Variants in CPN1 observed in about 807,000 individuals in gnomAD.
The protein encoded by CPN1 is carboxypeptidase N catalytic chain.
Under a neutral mutation model 46.4 loss-of-function variants are expected in CPN1, and 37 were observed. The observed-to-expected ratio is 0.80, with a 90% CI of 0.61 to 1.05. CPN1 has a LOEUF of 1.05. Ranked by LOEUF, CPN1 falls within the 50% of genes least tolerant of loss-of-function variation. The pLI is 0.00. For synonymous variants in CPN1, 224 were observed against 235.4 expected (o/e 0.95, Z 0.44); for missense variants, 563 against 602.6 (o/e 0.93, Z 0.69).
intron 5 of CPN1, among the ~76,000 whole-genome samples, chr10:100,062,075 C>T (rs1321141211): frequency 2.0e-5 from 3 of 152,148 alleles, no homozygotes; most frequent in Non-Finnish European, 2.9e-5. Flanking sequence ...CTCAGTTTTG[C>T]ACCTCTCTAC....
At chr10:100,053,517 T>C (rs935227108) in intron 7 of CPN1, among the ~76,000 whole-genome samples, 3 of 151,814 alleles carry the variant, frequency 2.0e-5, no homozygotes, top group Non-Finnish European at 4.4e-5. Flanking sequence ...CCTAGCTACA[T>C]TGGAGGCTGA....
In CPN1 at chr10:100,054,427, C is replaced by T. The variant is rs2041373399; in HGVS notation, c.1031G>A (p.Gly344Glu). Reference sequence around the variant, plus strand: ...ATTGTAATTCTCATCAAGCACCATTCCCTTGATGCCCTGGTGAACCTGCAG... The same window carrying T: ...ATTGTAATTCTCATCAAGCACCATTTCCTTGATGCCCTGGTGAACCTGCAG... ...FLEQVHQGIK[G>E]MVLDENYNNL... The change falls in exon 7 of 9, where the codon GGA (glycine) becomes GAA (glutamate). Residue 344 changes from glycine (G) to glutamate (E), a missense_variant. Gly to Glu is a moderately conservative substitution (Grantham distance 98). Coordinates refer to ENST00000370418, the MANE Select transcript of CPN1 (RefSeq NM_001308.3). The T allele has an allele frequency of 4.3e-6, 7 of 1,613,640 alleles. No homozygotes were observed. Among genetic ancestry groups the T allele is most frequent in the Non-Finnish European group, 5.9e-6 (7 of 1,179,570 alleles).
intron 8 of CPN1, 32 bp downstream of exon 8, chr10:100,048,726 T>G: frequency 6.9e-7 from 1 of 1,439,624 alleles, no homozygotes. Context: ...AAGTGATCTC[T>G]ACAGTGCACC....
chr10:100,048,921 G>C (rs755180548), intron 7 of CPN1, 45 bp from the exon 8 acceptor site: 2 of 1,478,254 alleles, frequency 1.4e-6, no homozygotes, highest in Non-Finnish European at 1.9e-6. Flanking sequence ...TTAAAAATCT[G>C]TCCCAAATAA....
intron 5 of CPN1, among the ~76,000 whole-genome samples, chr10:100,062,161 T>C (rs1227504248): frequency 1.3e-5 from 2 of 152,206 alleles, no homozygotes; most frequent in Non-Finnish European, 2.9e-5. Flanking sequence ...ATTTGAAGGA[T>C]GGGGAAAGAC....
chr10:100,068,929 A>C (rs1053804854), intron 3 of CPN1, among the ~76,000 whole-genome samples: 1 of 152,226 alleles, frequency 6.6e-6, no homozygotes, highest in Non-Finnish European at 1.5e-5. Context: ...TCCACAGTCT[A>C]GTGTAGTAGA....
At position 100,081,523 on chromosome 10, in the gene CPN1, G is replaced by A. The variant is rs746438789; in HGVS notation, c.103C>T (p.Leu35=). 4 of 1,614,092 alleles carry A rather than the reference G, an allele frequency of 2.5e-6. No individual in the cohort carries two copies. The highest frequency in any genetic ancestry group is 2.2e-5 in the South Asian group (2 of 91,090). ...HHRYDDLVRT[L]YKVQNECPGI... ...GGGCATTCGTTTTGCACCTTGTACA[G>A]CGTCCGCACAAGATCATCATAGCGG... Residue 35 remains leucine (L), a synonymous_variant, in exon 1 of 9, where the codon CTG becomes TTG. Coordinates refer to ENST00000370418, the MANE Select transcript of CPN1 (RefSeq NM_001308.3).
chr10:100,065,071 C>T lies in CPN1; in HGVS notation c.759+117G>A. 6 of 1,227,902 alleles carry T rather than the reference C, an allele frequency of 4.9e-6. No individual in the cohort carries two copies. In the Admixed American group the frequency reaches 6.9e-5, roughly 14 times the overall value. 76.1% of individuals were successfully genotyped at this position (1,227,902 alleles called of 1,614,324 possible). ...AGACTGTAAGCTCCTCACAAACAAG[C>T]GGTATTTTCAATTATTTTCTGTGGC... On this transcript the variant is annotated intron_variant, in intron 4 of 8. Transcript: ENST00000370418.
rs779001062 is a variant in CPN1 at position 100,081,497 on chromosome 10, G to A, written c.129C>T (p.Pro43=). The A allele has an allele frequency of 1.2e-5, 20 of 1,614,000 alleles. No homozygotes were observed. The African/African-American group carries it at 1.7e-4, about 14-fold the overall frequency. The change falls in exon 1 of 9, where the codon CCC becomes CCT. Residue 43 remains proline (P), a synonymous_variant. Coordinates refer to ENST00000370418, the MANE Select transcript of CPN1 (RefSeq NM_001308.3). ...CAATGCTGTAGACCCGCGTGATGCC[G>A]GGGCATTCGTTTTGCACCTTGTACA... ...RTLYKVQNEC[P]GITRVYSIGR... is the part of the protein sequence containing the mutation.
At chr10:100,043,122 GT>G (rs1168530809) in intron 8 of CPN1, among the ~76,000 whole-genome samples, 1 of 145,436 alleles carries the variant, frequency 6.9e-6, no homozygotes, top group Non-Finnish European at 1.5e-5. Context: ...AAAAAATTAG[GT>G]TGGGCATGGT....
intron 8 of CPN1, among the ~76,000 whole-genome samples, chr10:100,047,183 C>T (rs1029989445): frequency 6.6e-6 from 1 of 152,052 alleles, no homozygotes; most frequent in South Asian, 2.1e-4. Context: ...GCCATAATCA[C>T]GCCAGTGCAC....
chr10:100,070,101 C>A (rs1002330464), intron 2 of CPN1, among the ~76,000 whole-genome samples: 1 of 151,564 alleles, frequency 6.6e-6, no homozygotes, highest in Non-Finnish European at 1.5e-5. Flanking sequence ...GTTCTTTATT[C>A]TTTTCTTTTT....
chr10:100,065,343 G>C lies in CPN1; in HGVS notation c.604C>G (p.Arg202Gly). The C allele has an allele frequency of 1.2e-6, 2 of 1,614,150 alleles. No homozygotes were observed. Among genetic ancestry groups the C allele is most frequent in the Non-Finnish European group, 1.7e-6 (2 of 1,180,014 alleles). The change falls in exon 4 of 9, where the codon CGG becomes GGG. Residue 202 changes from arginine (R) to glycine (G), a missense_variant. Physicochemically the swap from Arg to Gly is moderately radical, Grantham distance 125 (BLOSUM62 -2). Transcript: ENST00000370418. Reference protein sequence around the residue: ...QVEPETRAVIRWMHSFNFVLS... With the variant: ...QVEPETRAVIGWMHSFNFVLS... The stretch of plus-strand genomic sequence containing the variant: ...ACAAAGTTGAAGGAGTGCATCCACC[G>C]GATCACCGCCCGGGTCTCGGGTTCC...
At chr10:100,057,549 G>A (rs1036609461) in intron 5 of CPN1, among the ~76,000 whole-genome samples, 4 of 152,128 alleles carry the variant, frequency 2.6e-5, no homozygotes, top group Admixed American at 6.6e-5. Flanking sequence ...GTGATTAGTC[G>A]GTTGTTGATG....
chr10:100,054,058 T>C (rs571805071), intron 7 of CPN1, among the ~76,000 whole-genome samples: 3 of 152,350 alleles, frequency 2.0e-5, no homozygotes, highest in African/African-American at 7.2e-5. Flanking sequence ...TAGCAACTCC[T>C]GAATGCTGAT....
In CPN1 at chr10:100,081,500, G is replaced by A. The variant is rs758547188; in HGVS notation, c.126C>T (p.Cys42=). The change falls in exon 1 of 9, where the codon TGC becomes TGT. Residue 42 remains cysteine (C), a synonymous_variant. Coordinates refer to ENST00000370418, the MANE Select transcript of CPN1 (RefSeq NM_001308.3). The part of the protein sequence containing the change: ...VRTLYKVQNE[C]PGITRVYSIG... ...TGCTGTAGACCCGCGTGATGCCGGG[G>A]CATTCGTTTTGCACCTTGTACAGCG... The A allele has an allele frequency of 1.9e-5, 30 of 1,614,174 alleles. No homozygotes were observed. The highest frequency in any genetic ancestry group is 2.5e-5 in the Non-Finnish European group (30 of 1,180,034).
intron 5 of CPN1, among the ~76,000 whole-genome samples, chr10:100,057,998 C>G (rs1027897799): frequency 2.0e-5 from 3 of 152,030 alleles, no homozygotes; most frequent in African/African-American, 7.2e-5. Flanking sequence ...TCCAGCACCC[C>G]CTTCATTACC....
intron 3 of CPN1, among the ~76,000 whole-genome samples, chr10:100,067,452 C>G (rs1467250529): frequency 1.3e-5 from 2 of 152,134 alleles, no homozygotes; most frequent in African/African-American, 2.4e-5. Context: ...TTACTTGAAC[C>G]AAGAGGATAG....
chr10:100,046,411 G>A (rs1359287666), intron 8 of CPN1, among the ~76,000 whole-genome samples: 1 of 152,156 alleles, frequency 6.6e-6, no homozygotes, highest in Non-Finnish European at 1.5e-5. Flanking sequence ...GTTCAAGGCT[G>A]CAGTGAGCCA....
Sources: allele counts gnomAD v4.1 joint callset (sites outside exome capture counted in the v4.1 genomes callset), GRCh38; gene constraint gnomAD v4.1.1; transcripts MANE v1.5; gene names NCBI Gene and HGNC (gene_info 2026-07-23, HGNC 2026-07-21).